Variants in SLC35F3 observed in about 807,000 individuals in gnomAD.
The protein encoded by SLC35F3 is putative thiamine transporter SLC35F3.
In SLC35F3, 25 loss-of-function variants were observed where a neutral mutation model predicts 49.9. The ratio of observed to expected loss-of-function variants is 0.50; its 90% CI spans 0.37 to 0.70. The LOEUF (loss-of-function observed/expected upper bound fraction) is 0.70, where lower values mean the gene tolerates loss of function less well. Among genes scored for constraint, SLC35F3 ranks in the 30% least tolerant of loss-of-function variants. The pLI is 0.00. For missense variants in SLC35F3, 525 were observed against 639.8 expected, an observed-to-expected ratio of 0.82 and a Z score of 1.94; for synonymous variants, 275 against 265.4, an observed-to-expected ratio of 1.04 and a Z score of -0.35.
At chr1:234,074,429 T>C (rs1368084609) in intron 2 of SLC35F3, among the ~76,000 whole-genome samples, 1 of 152,150 alleles carries the variant, frequency 6.6e-6, no homozygotes, top group Non-Finnish European at 1.5e-5. Flanking sequence ...ACATAGATAT[T>C]GAAAACACAA....
In SLC35F3 at chr1:234,231,324, A is replaced by C; in HGVS notation, c.284-93A>C. 6 of 1,060,452 alleles carry C rather than the reference A, an allele frequency of 5.7e-6. No homozygotes were observed. The highest frequency in any genetic ancestry group is 7.9e-6 in the Non-Finnish European group (6 of 759,866). 65.7% of individuals were successfully genotyped at this position (1,060,452 alleles called of 1,614,324 possible). A position where few individuals can be genotyped will look rare whatever the true frequency, so the allele number is the denominator to read the frequency against. ...CCGCTATCTCCCCGGGCCCCCAGGT[A>C]GCTGGTGGTGACAATGGCTGCAGGG... On this transcript the variant is annotated intron_variant, in intron 2 of 7. Coordinates refer to ENST00000366618, the MANE Select transcript of SLC35F3 (RefSeq NM_173508.4). The surrounding 1 kb of genome is among the most constrained non-coding windows in gnomAD (Gnocchi z 5.4).
chr1:234,079,822 A>C (rs958951596), intron 2 of SLC35F3, among the ~76,000 whole-genome samples: 2 of 152,232 alleles, frequency 1.3e-5, no homozygotes, highest in East Asian at 1.9e-4. Flanking sequence ...TGAGAAAGTA[A>C]AATGATGCAG....
At chr1:234,189,537 A>T (rs1200119301) in intron 2 of SLC35F3, among the ~76,000 whole-genome samples, 2 of 151,966 alleles carry the variant, frequency 1.3e-5, no homozygotes, top group African/African-American at 4.8e-5. Context: ...AAGAATTTTT[A>T]AAAAATTAAC....
At position 233,921,992 on chromosome 1, in the gene SLC35F3, A is replaced by G. The variant is rs1662070234; in HGVS notation, c.283+16234A>G. 2.0e-5 allele frequency among the ~76,000 whole-genome samples: 3 copies of G among 152,316 alleles called. No homozygotes were observed. In the South Asian group the frequency reaches 6.2e-4, roughly 32 times the overall value. On this transcript the variant is annotated intron_variant, in intron 2 of 7. Coordinates refer to ENST00000366618, the MANE Select transcript of SLC35F3 (RefSeq NM_173508.4). ...TGAACTCATCCTTTTGTATGGCTGCATAGTATTCCATGGTGTATATGTGCC... is the reference window on the plus strand; with the variant it reads ...TGAACTCATCCTTTTGTATGGCTGCGTAGTATTCCATGGTGTATATGTGCC...
chr1:234,071,283 C>T (rs1479229917), intron 2 of SLC35F3, among the ~76,000 whole-genome samples: 1 of 152,206 alleles, frequency 6.6e-6, no homozygotes, highest in Non-Finnish European at 1.5e-5. Flanking sequence ...ATGGGCCAGG[C>T]ACTGTTCAAA....
chr1:234,247,646 GGGGGGCTGGTTGGCTGGTC>G, intron 3 of SLC35F3, among the ~76,000 whole-genome samples: 1 of 152,008 alleles, frequency 6.6e-6, no homozygotes, highest in African/African-American at 2.4e-5. Context: ...TCCATTGTTT[GGGGGGCTGGTTGGCTGGTC>G]AGTTGTTCTG....
At chr1:234,022,919 C>A (rs1663918972) in intron 2 of SLC35F3, among the ~76,000 whole-genome samples, 1 of 152,158 alleles carries the variant, frequency 6.6e-6, no homozygotes, top group Admixed American at 6.5e-5. Context: ...ACTGTCCCTG[C>A]ACAGAGGTGG....
chr1:234,128,727 G>C (rs556423987), intron 2 of SLC35F3, among the ~76,000 whole-genome samples: 3 of 152,200 alleles, frequency 2.0e-5, no homozygotes, highest in Non-Finnish European at 2.9e-5. Flanking sequence ...TAGTTCCTTG[G>C]TGCTATGATG....
chr1:234,245,163 C>G (rs775398598), intron 3 of SLC35F3, among the ~76,000 whole-genome samples: 34 of 152,180 alleles, frequency 2.2e-4, no homozygotes, highest in Non-Finnish European at 4.1e-4. Flanking sequence ...TTATTCTGTT[C>G]TCTGTGTCCT....
At chr1:233,963,077 T>C (rs991842940) in intron 2 of SLC35F3, among the ~76,000 whole-genome samples, 3 of 152,218 alleles carry the variant, frequency 2.0e-5, no homozygotes, top group African/African-American at 7.2e-5. Context: ...ATTAGCCCTG[T>C]GACTCATTCC....
chr1:234,318,679 C>T (rs907900544), intron 5 of SLC35F3, 72 bp from the exon 6 acceptor site: 1 of 1,379,798 alleles, frequency 7.2e-7, no homozygotes, highest in Admixed American at 2.1e-5. Flanking sequence ...GTGGAGTGAA[C>T]TCTGCTTTGC....
intron 2 of SLC35F3, among the ~76,000 whole-genome samples, chr1:233,953,792 G>T (rs866380702): frequency 3.2e-4 from 49 of 152,016 alleles, no homozygotes; most frequent in Non-Finnish European, 4.4e-4. Flanking sequence ...AATGGGAGGG[G>T]AAAAAAGACC....
intron 2 of SLC35F3, among the ~76,000 whole-genome samples, chr1:234,051,043 T>C (rs1664369169): frequency 6.6e-6 from 1 of 152,220 alleles, no homozygotes; most frequent in South Asian, 2.1e-4. Flanking sequence ...TACTGTAGCC[T>C]GGTAGTATAG....
chr1:233,954,174 T>G (rs1662656386), intron 2 of SLC35F3, among the ~76,000 whole-genome samples: 1 of 152,094 alleles, frequency 6.6e-6, no homozygotes, highest in African/African-American at 2.4e-5. Context: ...ACCTGGGTAA[T>G]TTTTTGTATT....
At position 234,225,889 on chromosome 1, in the gene SLC35F3, A is replaced by T. The variant is rs1159703055; in HGVS notation, c.284-5528A>T. On this transcript the variant is annotated intron_variant, in intron 2 of 7. Transcript: ENST00000366618. Reference sequence around the variant, plus strand: ...GCTGACACACGCTACAACGTGGATAAACCCCAAAGACATGATGTTAAATGA... The same window carrying T: ...GCTGACACACGCTACAACGTGGATATACCCCAAAGACATGATGTTAAATGA... Among the ~76,000 whole-genome samples, 7 of 152,238 alleles carry T rather than the reference A, an allele frequency of 4.6e-5. 1 individual carries two copies. The South Asian group carries it at 6.2e-4, about 14-fold the overall frequency.
chr1:234,193,981 C>A (rs1666767605), intron 2 of SLC35F3, among the ~76,000 whole-genome samples: 1 of 152,154 alleles, frequency 6.6e-6, no homozygotes, highest in Non-Finnish European at 1.5e-5. Flanking sequence ...AAAGGGAACA[C>A]TTCTACACTG....
chr1:234,092,291 T>C (rs1486864999), intron 2 of SLC35F3, among the ~76,000 whole-genome samples: 1 of 152,198 alleles, frequency 6.6e-6, no homozygotes, highest in African/African-American at 2.4e-5. Context: ...AGTAAAAATG[T>C]ATTAATAGGG....
chr1:233,994,424 A>G (rs1246174590), intron 2 of SLC35F3, among the ~76,000 whole-genome samples: 1 of 144,858 alleles, frequency 6.9e-6, no homozygotes, highest in East Asian at 2.0e-4. Context: ...GCTCCTAACT[A>G]CAACCCTATT....
At chr1:234,235,007 C>T (rs193099109) in intron 3 of SLC35F3, among the ~76,000 whole-genome samples, 6 of 152,282 alleles carry the variant, frequency 3.9e-5, no homozygotes, top group Non-Finnish European at 5.9e-5. Context: ...ATTTAAACTA[C>T]GAGAGTGCCA....
Sources: gnomAD v4.1 joint callset for allele counts (sites outside exome capture counted in the v4.1 genomes callset) on GRCh38, gnomAD v4.1.1 for gene constraint, Gnocchi (gnomAD v3.1) non-coding constraint, MANE v1.5 for transcripts, NCBI Gene and HGNC (gene_info 2026-07-23, HGNC 2026-07-21) for gene names.